The following ARHGAP17 variants were observed in gnomAD, a reference collection of about 807,000 sequenced individuals.
ARHGAP17 encodes Rho GTPase activating protein 17.
A neutral mutation model predicts 99.5 loss-of-function variants in ARHGAP17; 57 were observed. The ratio of observed to expected loss-of-function variants is 0.57; its 90% CI spans 0.46 to 0.71. The LOEUF is 0.71. Ranked by LOEUF, ARHGAP17 falls within the 30% of genes least tolerant of loss-of-function variation. The pLI is 0.00. For missense variants in ARHGAP17, 1,000 were observed against 1,122.4 expected, an observed-to-expected ratio of 0.89 and a Z score of 1.56; for synonymous variants, 417 against 429.6, an observed-to-expected ratio of 0.97 and a Z score of 0.36.
At chr16:24,991,041 T>G (rs138943739) in intron 1 of ARHGAP17, among the ~76,000 whole-genome samples, 1 of 152,230 alleles carries the variant, frequency 6.6e-6, no homozygotes, top group East Asian at 1.9e-4. Flanking sequence ...TAAACTCAGT[T>G]GTAAAAAACA....
intron 1 of ARHGAP17, among the ~76,000 whole-genome samples, chr16:25,008,028 C>T (rs928549638): frequency 2.0e-5 from 3 of 152,114 alleles, no homozygotes; most frequent in Non-Finnish European, 2.9e-5. Flanking sequence ...CCTGGCACTT[C>T]GGTTTGTGAC....
chr16:24,935,991 T>TC (rs942061052), intron 17 of ARHGAP17: 16 of 338,550 alleles, frequency 4.7e-5, no homozygotes, highest in Non-Finnish European at 9.2e-5. Flanking sequence ...CAGACTGGAC[T>TC]CCAACGACTC....
intron 17 of ARHGAP17, chr16:24,936,039 A>T (rs2051130355): frequency 3.2e-6 from 1 of 313,768 alleles, no homozygotes; most frequent in Admixed American, 4.8e-5. Context: ...ATTTCAAAGC[A>T]ACCAATGCGG....
At chr16:25,014,818 G>A (rs1011161153) in intron 1 of ARHGAP17, among the ~76,000 whole-genome samples, 2 of 152,242 alleles carry the variant, frequency 1.3e-5, no homozygotes, top group African/African-American at 4.8e-5. Context: ...CACAGCGTTA[G>A]GGACAGAAGT....
intron 1 of ARHGAP17, among the ~76,000 whole-genome samples, chr16:24,987,751 G>C (rs74013610): frequency 0.034 from 5,183 of 152,230 alleles, 240 homozygotes; most frequent in African/African-American, 0.1. Context: ...TCACTGTTCT[G>C]CTGGCTTTTA....
At chr16:25,006,449 CAAAAAAAA>C (rs1032093076) in intron 1 of ARHGAP17, among the ~76,000 whole-genome samples, 1 of 74,504 alleles carries the variant, frequency 1.3e-5, no homozygotes, top group Admixed American at 1.5e-4. Context: ...GACTCCGTCT[CAAAAAAAA>C]AAAAAAAAAG....
At chr16:24,981,718 T>C (rs929020969) in intron 1 of ARHGAP17, among the ~76,000 whole-genome samples, 5 of 152,214 alleles carry the variant, frequency 3.3e-5, no homozygotes, top group African/African-American at 9.6e-5. Flanking sequence ...ATCACAGTTT[T>C]GAGGTTTTTT....
intron 9 of ARHGAP17, chr16:24,957,311 TTAG>T (rs2051838936): frequency 7.9e-5 from 12 of 152,198 alleles, no homozygotes; most frequent in Admixed American, 7.9e-4. Flanking sequence ...GAACCGATGC[TTAG>T]GAGGCTGCAA....
intron 1 of ARHGAP17, chr16:25,013,946 C>A (rs1225006016): frequency 1.3e-5 from 2 of 152,132 alleles, no homozygotes; most frequent in African/African-American, 4.8e-5. Flanking sequence ...AGCATTATTT[C>A]TTTAATTTTC....
Position 24,974,689 on chromosome 16 carries a change from G to A in ARHGAP17, c.198+2526C>T, listed in dbSNP as rs528363716. Among the ~76,000 whole-genome samples, 174 of 152,294 alleles carry A rather than the reference G, an allele frequency of 1.1e-3. 1 individual carries two copies. The highest frequency in any genetic ancestry group is 1.8e-3 in the Non-Finnish European group (120 of 68,030). On this transcript the variant is annotated intron_variant, in intron 3 of 19. Transcript: ENST00000289968. ...CAGACTGGAAAGGAAATTACAGACA[G>A]GAAATGTAGCTCAGGAGGTGACTAC...
At position 24,954,734 on chromosome 16, in the gene ARHGAP17, G is replaced by C. The variant is rs778414235; in HGVS notation, c.725-4C>G. Reference sequence around the variant, plus strand: ...GCTGGTTTTTCCGCCCACTTATCTAGAGCAGCAAATTGTTCAGTTAGACAC... The same window carrying C: ...GCTGGTTTTTCCGCCCACTTATCTACAGCAGCAAATTGTTCAGTTAGACAC... On this transcript the variant is annotated splice_region_variant and splice_polypyrimidine_tract_variant and intron_variant, in intron 9 of 19. Coordinates refer to ENST00000289968, the MANE Select transcript of ARHGAP17 (RefSeq NM_001006634.3). 22 of 1,613,516 alleles carry C rather than the reference G, an allele frequency of 1.4e-5. No homozygotes were observed. In the African/African-American group the frequency reaches 2.7e-4, roughly 20 times the overall value.
At chr16:24,960,273 G>A (rs188514222) in intron 7 of ARHGAP17, among the ~76,000 whole-genome samples, 18 of 152,354 alleles carry the variant, frequency 1.2e-4, no homozygotes, top group African/African-American at 3.6e-4. Flanking sequence ...GGCCGGGCAC[G>A]ATGGCTCATG....
chr16:24,931,722 T>A lies in ARHGAP17; in HGVS notation c.1895-318A>T, dbSNP rs148945998. Among the ~76,000 whole-genome samples, 190 of 152,160 alleles carry A rather than the reference T, an allele frequency of 1.2e-3. No individual in the cohort carries two copies. In the South Asian group the frequency reaches 0.025, roughly 20 times the overall value. On this transcript the variant is annotated intron_variant, in intron 18 of 19. Transcript: ENST00000289968. Reference sequence around the variant, plus strand: ...ACAGCAGGAGACGAAGAAGATACGATGACTACATATAATGTGGGCTCCTGG... The same window carrying A: ...ACAGCAGGAGACGAAGAAGATACGAAGACTACATATAATGTGGGCTCCTGG...
intron 1 of ARHGAP17, among the ~76,000 whole-genome samples, chr16:24,991,949 G>A (rs2053054916): frequency 6.6e-6 from 1 of 152,212 alleles, no homozygotes; most frequent in Non-Finnish European, 1.5e-5. Flanking sequence ...CATCCTTAAT[G>A]AAAACACTTT....
At chr16:24,960,042 G>T in intron 7 of ARHGAP17, 63 bp from the exon 8 acceptor site, 2 of 1,495,876 alleles carry the variant, frequency 1.3e-6, no homozygotes, top group South Asian at 1.1e-5. Flanking sequence ...TGGCATCTGA[G>T]AACAATCTCT....
intron 3 of ARHGAP17, among the ~76,000 whole-genome samples, chr16:24,972,334 T>C (rs2052390727): frequency 6.6e-6 from 1 of 152,196 alleles, no homozygotes; most frequent in Admixed American, 6.5e-5. Context: ...TAAGCTGAAA[T>C]TTAAAAATAA....
chr16:24,982,422 T>C (rs1045536348), intron 1 of ARHGAP17, among the ~76,000 whole-genome samples: 4 of 151,368 alleles, frequency 2.6e-5, no homozygotes, highest in Admixed American at 1.3e-4. Flanking sequence ...AAAAAAAAAA[T>C]GTGTAGAAAA....
At position 24,977,199 on chromosome 16, in the gene ARHGAP17, C is replaced by G. The variant is rs530381663; in HGVS notation, c.198+16G>C. Reference sequence around the variant, plus strand: ...AGACGCAGGAACTGTGGGTCTGAGTCACATCTGATACTCACGTGTCTCCTC... The same window carrying G: ...AGACGCAGGAACTGTGGGTCTGAGTGACATCTGATACTCACGTGTCTCCTC... On this transcript the variant is annotated intron_variant, in intron 3 of 19. Coordinates refer to ENST00000289968, the MANE Select transcript of ARHGAP17 (RefSeq NM_001006634.3). 3.2e-6 allele frequency: 5 copies of G among 1,552,998 alleles called. No homozygotes were observed. In the Admixed American group the frequency reaches 8.8e-5, roughly 27 times the overall value.
At chr16:25,008,726 G>A (rs2053569352) in intron 1 of ARHGAP17, among the ~76,000 whole-genome samples, 1 of 152,158 alleles carries the variant, frequency 6.6e-6, no homozygotes, top group African/African-American at 2.4e-5. Context: ...CCATAATAGC[G>A]TAACATGCCG....
Sources: allele counts gnomAD v4.1 joint callset (sites outside exome capture counted in the v4.1 genomes callset), GRCh38; gene constraint gnomAD v4.1.1; transcripts MANE v1.5; gene names NCBI Gene and HGNC (gene_info 2026-07-23, HGNC 2026-07-21).